The following USP9X variants were observed in gnomAD, a reference collection of about 807,000 sequenced individuals.
The protein encoded by USP9X is ubiquitin specific peptidase 9 X-linked.
Under a neutral mutation model 190.3 loss-of-function variants are expected in USP9X, and 7 were observed. The observed-to-expected ratio is 0.04, with a 90% CI of 0.02 to 0.07. The LOEUF (loss-of-function observed/expected upper bound fraction) is 0.07. Among genes scored for constraint, USP9X ranks in the 10% least tolerant of loss-of-function variants. The pLI is 1.00. For missense variants in USP9X, 1,010 were observed against 1,916.9 expected, an observed-to-expected ratio of 0.53 and a Z score of 8.83; for synonymous variants, 645 against 659.5, an observed-to-expected ratio of 0.98 and a Z score of 0.34.
intron 31 of USP9X, among the ~76,000 whole-genome samples, chrX:41,201,987 A>C (rs1158973628): frequency 8.9e-6 from 1 of 112,485 alleles, no homozygotes. Context: ...AAAAAGCAAC[A>C]GTTAATGTAC....
At chrX:41,120,008 A>ATT (rs111414070) in intron 1 of USP9X, among the ~76,000 whole-genome samples, 11 of 107,997 alleles carry the variant, frequency 1.0e-4, no homozygotes, top group South Asian at 3.9e-4. Context: ...AGACTTTTTC[A>ATT]TTTTTTTTTT....
intron 1 of USP9X, among the ~76,000 whole-genome samples, chrX:41,090,324 T>G (rs1055175745): frequency 3.6e-5 from 4 of 111,767 alleles, no homozygotes; most frequent in African/African-American, 1.3e-4. Context: ...GACTTAAAAC[T>G]TCTAACACTT....
chrX:41,136,362 T>C (rs192000471), intron 5 of USP9X, among the ~76,000 whole-genome samples: 231 of 111,742 alleles, frequency 2.1e-3, no homozygotes, highest in Non-Finnish European at 3.3e-3. Context: ...GGTTTCACCC[T>C]GTTGGCCAGG....
intron 1 of USP9X, among the ~76,000 whole-genome samples, chrX:41,102,798 C>T (rs866814483): frequency 9.8e-6 from 1 of 101,621 alleles, no homozygotes; most frequent in South Asian, 4.4e-4. Context: ...TTGAGTTTAT[C>T]TTTTTTTTTT....
At chrX:41,116,661 T>C (rs1223851368) in intron 1 of USP9X, among the ~76,000 whole-genome samples, 1 of 112,564 alleles carries the variant, frequency 8.9e-6, no homozygotes, top group East Asian at 2.7e-4. Context: ...TCCTGAAATA[T>C]TTAGGAACTC....
Position 41,215,941 on chromosome X carries a change from G to A in USP9X, c.5374G>A (p.Val1792Ile), listed in dbSNP as rs199769344. 1.2e-5 allele frequency: 15 copies of A among 1,209,861 alleles called. No individual in the cohort carries two copies. The highest frequency in any genetic ancestry group is 1.7e-5 in the Non-Finnish European group (15 of 894,988). ...KRLLIKKLPP[V>I]LAIQLKRFDY... ...CTTGCTGATTAAAAAATTACCTCCTGTTCTTGCTATACAACTAAAGCGATT... is the reference window on the plus strand; with the variant it reads ...CTTGCTGATTAAAAAATTACCTCCTATTCTTGCTATACAACTAAAGCGATT... Residue 1792 changes from valine to isoleucine, a missense_variant, in exon 35 of 45, where the codon GTT (valine) becomes ATT (isoleucine). Coordinates refer to ENST00000378308, the MANE Select transcript of USP9X (RefSeq NM_001039591.3).
chrX:41,121,663 CCAAT>C (rs1473784561), intron 1 of USP9X, among the ~76,000 whole-genome samples: 2 of 111,417 alleles, frequency 1.8e-5, no homozygotes, highest in Non-Finnish European at 1.9e-5. Context: ...TGAGTTAGAA[CCAAT>C]CAGTTAAGTT....
chrX:41,133,119 A>G lies in USP9X; in HGVS notation c.322+1583A>G, dbSNP rs771151303. Among the ~76,000 whole-genome samples, 312 of 112,213 alleles carry G rather than the reference A, an allele frequency of 2.8e-3. 2 individuals carry two copies. Among genetic ancestry groups the G allele is most frequent in the Non-Finnish European group, 5.0e-3 (265 of 53,237 alleles). Reference sequence around the variant, plus strand: ...TATTGTCAAAATTAACATGTTTAGTACTTTAAGTTCAACTCCATGGCAAGG... The same window carrying G: ...TATTGTCAAAATTAACATGTTTAGTGCTTTAAGTTCAACTCCATGGCAAGG... On this transcript the variant is annotated intron_variant, in intron 4 of 44. Coordinates refer to ENST00000378308, the MANE Select transcript of USP9X (RefSeq NM_001039591.3).
In USP9X at chrX:41,234,099, C is replaced by T. The variant is rs2063384336; in HGVS notation, c.*1575C>T. 1 of 104,390 alleles carries T rather than the reference C, an allele frequency of 9.6e-6. No individual in the cohort carries two copies. Among genetic ancestry groups the T allele is most frequent in the Admixed American group, 1.1e-4 (1 of 9,324 alleles). The allele number at this position is 104,390 out of a possible 1,213,427, so 8.6% of individuals were successfully genotyped here. A position where few individuals can be genotyped will look rare whatever the true frequency, so the allele number is the denominator to read the frequency against. Reference sequence around the variant, plus strand: ...ATATTAAAATTCATTCTGTGCATAGCATGCCTAGGCATGACACTGATTCAG... The same window carrying T: ...ATATTAAAATTCATTCTGTGCATAGTATGCCTAGGCATGACACTGATTCAG... On this transcript the variant is annotated 3_prime_UTR_variant, in exon 45 of 45. Coordinates refer to ENST00000378308, the MANE Select transcript of USP9X (RefSeq NM_001039591.3).
chrX:41,199,395 G>A (rs774186094), intron 30 of USP9X, among the ~76,000 whole-genome samples: 1 of 110,837 alleles, frequency 9.0e-6, no homozygotes, highest in African/African-American at 3.3e-5. Context: ...GAGTATAGAC[G>A]TAAAACTTTA....
At position 41,201,142 on chromosome X, in the gene USP9X, C is replaced by T. The variant is rs1262964716; in HGVS notation, c.4686C>T (p.Ala1562=). The T allele has an allele frequency of 9.9e-6, 12 of 1,209,673 alleles. No homozygotes were observed. The African/African-American group carries it at 1.1e-4, about 11-fold the overall frequency. ...AAGGATTCGTGGGGCTGAAAAATGCCGGTGCTACTTGTTACATGAATTCTG... is the reference window on the plus strand; with the variant it reads ...AAGGATTCGTGGGGCTGAAAAATGCTGGTGCTACTTGTTACATGAATTCTG... ...PPKGFVGLKN[A]GATCYMNSVI... The change falls in exon 31 of 45, where the codon GCC becomes GCT. Residue 1562 remains alanine (A), a synonymous_variant. Coordinates refer to ENST00000378308, the MANE Select transcript of USP9X (RefSeq NM_001039591.3).
chrX:41,102,214 A>G (rs959785444), intron 1 of USP9X, among the ~76,000 whole-genome samples: 1 of 112,353 alleles, frequency 8.9e-6, no homozygotes, highest in African/African-American at 3.2e-5. Context: ...CATTGATTAA[A>G]CATAATTTGA....
chrX:41,098,262 T>A (rs1017181956), intron 1 of USP9X, among the ~76,000 whole-genome samples: 22 of 107,678 alleles, frequency 2.0e-4, no homozygotes, highest in Non-Finnish European at 4.0e-4. Flanking sequence ...TGCCTCAGCC[T>A]CCCGAGTAGC....
chrX:41,217,609 GGGACAGTGACTCA>G (rs1438718410), intron 36 of USP9X, among the ~76,000 whole-genome samples: 4 of 111,769 alleles, frequency 3.6e-5, no homozygotes, highest in Non-Finnish European at 7.5e-5. Context: ...CTGAGACTGG[GGGACAGTGACTCA>G]CACCTGTAAT....
intron 2 of USP9X, among the ~76,000 whole-genome samples, chrX:41,125,684 A>ACACACACACTCACTCTCT: frequency 5.3e-5 from 1 of 19,027 alleles, no homozygotes; most frequent in Non-Finnish European, 9.0e-5. Context: ...ACACACACAC[A>ACACACACACTCACTCTCT]CTCTCTCTCT....
At chrX:41,102,620 CAAAAA>C (rs989414402) in intron 1 of USP9X, among the ~76,000 whole-genome samples, 1 of 109,292 alleles carries the variant, frequency 9.1e-6, no homozygotes, top group East Asian at 2.8e-4. Flanking sequence ...GAGACTGTCT[CAAAAA>C]AAAGAAAAAG....
At chrX:41,200,944 A>AG in intron 30 of USP9X, 116 bp from the exon 31 acceptor site, 3 of 715,035 alleles carry the variant, frequency 4.2e-6, no homozygotes, top group Non-Finnish European at 6.3e-6. Flanking sequence ...AGGTTGCTGT[A>AG]GGGTTAGTCG....
Position 41,131,544 on chromosome X carries a change from A to T in USP9X, c.322+8A>T. ...TTGATCTTAGTAAAAAGGGTAAGTT[A>T]TATGTTTTTATGCTTCCTATAATGT... On this transcript the variant is annotated splice_region_variant and intron_variant, in intron 4 of 44. Coordinates refer to ENST00000378308, the MANE Select transcript of USP9X (RefSeq NM_001039591.3). The T allele has an allele frequency of 2.5e-6, 3 of 1,178,566 alleles. No homozygotes were observed. The highest frequency in any genetic ancestry group is 1.8e-5 in the South Asian group (1 of 54,711).
intron 23 of USP9X, 142 bp downstream of exon 23, chrX:41,184,817 G>C (rs971250641): frequency 5.9e-6 from 3 of 506,587 alleles, no homozygotes; most frequent in Admixed American, 9.0e-5. Flanking sequence ...TATGATGTTT[G>C]TATTAAAAGT....
Sources: allele counts gnomAD v4.1 joint callset (sites outside exome capture counted in the v4.1 genomes callset), GRCh38; gene constraint gnomAD v4.1.1; transcripts MANE v1.5; gene names NCBI Gene and HGNC (gene_info 2026-07-23, HGNC 2026-07-21).